SCN2A: variants seen among roughly 807,000 people sequenced by gnomAD.
SCN2A encodes the protein sodium voltage-gated channel alpha subunit 2.
A neutral mutation model predicts 188.7 loss-of-function variants in SCN2A; 20 were observed. That is an observed-to-expected ratio of 0.11 (90% CI 0.07 to 0.15). SCN2A has a LOEUF of 0.15. Ranked by LOEUF, SCN2A falls within the 10% of genes least tolerant of loss-of-function variation. The pLI, the probability that SCN2A is intolerant of heterozygous loss-of-function variation, is 1.00. For missense variants in SCN2A, 1,278 were observed against 2,445.0 expected, an observed-to-expected ratio of 0.52 and a Z score of 10.07; for synonymous variants, 804 against 833.1, an observed-to-expected ratio of 0.97 and a Z score of 0.60.
Position 165,323,142 on chromosome 2 carries a change from CTT to C in SCN2A, c.1672-13_1672-12del. Reference sequence around the variant, plus strand: ...TCTTCATCTCATTTTTGTTTCTTCTCTTGTTATTCATAGTCCTTACTGAGCAT... The same window carrying C: ...TCTTCATCTCATTTTTGTTTCTTCTCGTTATTCATAGTCCTTACTGAGCAT... On this transcript the variant is annotated splice_polypyrimidine_tract_variant and intron_variant, in intron 11 of 26. Coordinates refer to ENST00000375437, the MANE Select transcript of SCN2A (RefSeq NM_001040142.2). 6.2e-7 allele frequency: 1 copy of C among 1,610,896 alleles called. No individual in the cohort carries two copies. The highest frequency in any genetic ancestry group is 1.3e-5 in the African/African-American group (1 of 74,802).
At chr2:165,257,521 G>T (rs1179702802) in intron 1 of SCN2A, among the ~76,000 whole-genome samples, 1 of 151,972 alleles carries the variant, frequency 6.6e-6, no homozygotes, top group Non-Finnish European at 1.5e-5. Flanking sequence ...TGTTGTTGTT[G>T]TTTTTGTTGT....
intron 14 of SCN2A, among the ~76,000 whole-genome samples, chr2:165,334,491 T>G (rs891361258): frequency 6.6e-6 from 1 of 151,784 alleles, no homozygotes; most frequent in African/African-American, 2.4e-5. Context: ...GCATAAAAAA[T>G]TAATGTAATA....
Position 165,370,311 on chromosome 2 carries a change from GC to G in SCN2A, c.3849+13del, listed in dbSNP as rs754428875. ...TCCTGATTGTTGATGTGAGTATGCT[GC>G]ACTTTGCTGCTTTATTCATTGGCAT... On this transcript the variant is annotated intron_variant, in intron 20 of 26. Transcript: ENST00000375437. 6 of 1,613,726 alleles carry G rather than the reference GC, an allele frequency of 3.7e-6. No individual in the cohort carries two copies. The East Asian group carries it at 1.3e-4, about 36-fold the overall frequency.
rs763965582 is a variant in SCN2A, at chr2:165,311,983, C to T, written c.971-42C>T. ...TAAACAGGGTGGCTGAAGTGTTTTA[C>T]AGGATTTTAATGATTCTTTCTATTC... is the stretch of plus-strand genomic sequence containing the variant. On this transcript the variant is annotated intron_variant, in intron 7 of 26. Transcript: ENST00000375437. The T allele has an allele frequency of 6.8e-6, 10 of 1,477,906 alleles. No individual in the cohort carries two copies. In the South Asian group the frequency reaches 1.1e-4, roughly 17 times the overall value. 91.5% of individuals were successfully genotyped at this position (1,477,906 alleles called of 1,614,324 possible). A position where few individuals can be genotyped will look rare whatever the true frequency, so the allele number is the denominator to read the frequency against.
At chr2:165,310,649 T>A in intron 7 of SCN2A, 54 bp downstream of exon 7, 1 of 1,264,432 alleles carries the variant, frequency 7.9e-7, no homozygotes, top group Non-Finnish European at 1.1e-6. Flanking sequence ...ATATTAAATA[T>A]TATATATAAT....
At chr2:165,252,112 C>G (rs1694122492) in intron 1 of SCN2A, among the ~76,000 whole-genome samples, 1 of 151,650 alleles carries the variant, frequency 6.6e-6, no homozygotes, top group South Asian at 2.1e-4. Flanking sequence ...GTATAAATCC[C>G]ATAGACAAGA....
At chr2:165,354,708 T>G (rs760594182) in intron 17 of SCN2A, 37 bp downstream of exon 17, 2 of 1,602,568 alleles carry the variant, frequency 1.2e-6, no homozygotes, top group Non-Finnish European at 1.7e-6. Context: ...TTTGGTGTTA[T>G]ATAATTCTGT....
intron 25 of SCN2A, among the ~76,000 whole-genome samples, chr2:165,383,026 T>C (rs1217728318): frequency 6.6e-6 from 1 of 152,160 alleles, no homozygotes; most frequent in Non-Finnish European, 1.5e-5. Context: ...GCTAGAATAT[T>C]ATCAGTGTCA....
chr2:165,389,928 CTG>C lies in SCN2A; in HGVS notation c.*106_*107del. 1 of 1,512,942 alleles carries C rather than the reference CTG, an allele frequency of 6.6e-7. No homozygotes were observed. The highest frequency in any genetic ancestry group is 1.3e-5 in the South Asian group (1 of 78,574). The allele number at this position is 1,512,942 out of a possible 1,614,324, so 93.7% of individuals were successfully genotyped here. ...CCACAGGAGGTCTATGCCAAACTGA[CTG>C]TTTTTACAAATGTATACTTAAGGTC... On this transcript the variant is annotated 3_prime_UTR_variant, in exon 27 of 27. Transcript: ENST00000375437. This position sits in a 1 kb window ranked among gnomAD's most constrained non-coding sequence, Gnocchi z 4.2.
At chr2:165,364,362 T>C (rs1488723726) in intron 17 of SCN2A, among the ~76,000 whole-genome samples, 1 of 152,330 alleles carries the variant, frequency 6.6e-6, no homozygotes, top group South Asian at 2.1e-4. Flanking sequence ...GGCTAAAGTT[T>C]ATTGCATTTC....
intron 20 of SCN2A, chr2:165,371,448 T>C (rs1701020403): frequency 6.6e-6 from 1 of 152,164 alleles, no homozygotes; most frequent in Admixed American, 6.6e-5. Context: ...GCGTACACAG[T>C]AAGTCGACAC....
At position 165,354,614 on chromosome 2, in the gene SCN2A, T is replaced by C; in HGVS notation, c.3342T>C (p.Phe1114=). ...TVPIAVGESD[F]ENLNTEEFSS... is the part of the protein sequence containing the mutation. ...CAATTGCTGTTGGAGAATCTGACTT[T>C]GAAAATTTAAATACTGAAGAATTCA... Residue 1114 remains phenylalanine, a synonymous_variant, in exon 17 of 27, where the codon TTT becomes TTC. Transcript: ENST00000375437. The C allele has an allele frequency of 6.2e-7, 1 of 1,614,052 alleles. No homozygotes were observed.
At chr2:165,357,614 C>T (rs1187754830) in intron 17 of SCN2A, among the ~76,000 whole-genome samples, 1 of 151,918 alleles carries the variant, frequency 6.6e-6, no homozygotes, top group Non-Finnish European at 1.5e-5. Flanking sequence ...AATGTTATTT[C>T]GATTATATTA....
intron 13 of SCN2A, among the ~76,000 whole-genome samples, chr2:165,329,899 A>G (rs1300991493): frequency 6.6e-6 from 1 of 152,224 alleles, no homozygotes; most frequent in Admixed American, 6.5e-5. Flanking sequence ...GGAAATGGAA[A>G]CAAACTGGGC....
intron 1 of SCN2A, among the ~76,000 whole-genome samples, chr2:165,282,629 C>T (rs1400043710): frequency 1.3e-5 from 2 of 152,084 alleles, no homozygotes; most frequent in African/African-American, 2.4e-5. Context: ...TTGCTCAGGC[C>T]AGTCTCCAAC....
intron 1 of SCN2A, among the ~76,000 whole-genome samples, chr2:165,280,855 C>T (rs1695554412): frequency 6.6e-6 from 1 of 152,176 alleles, no homozygotes; most frequent in Non-Finnish European, 1.5e-5. Flanking sequence ...CTCTGGGGAA[C>T]CTGACCTAAG....
At chr2:165,294,802 A>G (rs1290438282) in intron 1 of SCN2A, among the ~76,000 whole-genome samples, 1 of 152,204 alleles carries the variant, frequency 6.6e-6, no homozygotes, top group Non-Finnish European at 1.5e-5. Context: ...ATATGATTTG[A>G]ATACCAGTAA....
intron 14 of SCN2A, among the ~76,000 whole-genome samples, chr2:165,338,347 C>T (rs1208596320): frequency 6.6e-6 from 1 of 150,608 alleles, no homozygotes; most frequent in African/African-American, 2.5e-5. Context: ...GCAAGCTCCG[C>T]CTCCCCGGTT....
intron 1 of SCN2A, among the ~76,000 whole-genome samples, chr2:165,287,834 T>A (rs1695919644): frequency 6.6e-6 from 1 of 152,198 alleles, no homozygotes; most frequent in Non-Finnish European, 1.5e-5. Context: ...CAGGGAAGGC[T>A]CTGGTTACCT....
Sources: gnomAD v4.1 joint callset for allele counts (sites outside exome capture counted in the v4.1 genomes callset) on GRCh38, gnomAD v4.1.1 for gene constraint, Gnocchi (gnomAD v3.1) non-coding constraint, MANE v1.5 for transcripts, NCBI Gene and HGNC (gene_info 2026-07-23, HGNC 2026-07-21) for gene names.